The following SRGAP3 variants were observed in gnomAD, a reference collection of about 807,000 sequenced individuals.
SRGAP3 encodes SLIT-ROBO Rho GTPase activating protein 3.
A neutral mutation model predicts 121.1 loss-of-function variants in SRGAP3; 39 were observed. The observed-to-expected ratio is 0.32, with a 90% CI of 0.25 to 0.42. The LOEUF is 0.42. Among genes scored for constraint, SRGAP3 ranks in the 10% least tolerant of loss-of-function variants. The pLI is 1.00. For synonymous variants in SRGAP3, 601 were observed against 570.0 expected (o/e 1.05, Z -0.77); for missense variants, 1,213 against 1,470.6 (o/e 0.82, Z 2.86).
chr3:9,163,593 C>T (rs1269750600), intron 1 of SRGAP3, among the ~76,000 whole-genome samples: 1 of 152,182 alleles, frequency 6.6e-6, no homozygotes, highest in Non-Finnish European at 1.5e-5. Context: ...GCAGAGGGGG[C>T]AGGGGAGGTG....
intron 1 of SRGAP3, among the ~76,000 whole-genome samples, chr3:9,158,732 G>A (rs558456988): frequency 8.5e-5 from 13 of 152,196 alleles, no homozygotes; most frequent in Admixed American, 2.0e-4. Flanking sequence ...CAGTTGTTCC[G>A]TTCCTCAGAT....
chr3:9,163,541 A>G (rs914662651), intron 1 of SRGAP3, among the ~76,000 whole-genome samples: 1 of 152,174 alleles, frequency 6.6e-6, no homozygotes, highest in African/African-American at 2.4e-5. Context: ...AATTTAAGCC[A>G]TGCGGCCACT....
At chr3:9,061,048 A>G (rs1340982609) in intron 5 of SRGAP3, among the ~76,000 whole-genome samples, 1 of 152,216 alleles carries the variant, frequency 6.6e-6, no homozygotes, top group Non-Finnish European at 1.5e-5. Context: ...CCTGGCCAAC[A>G]GGGCAAAACC....
intron 1 of SRGAP3, among the ~76,000 whole-genome samples, chr3:9,176,103 G>A (rs533746784): frequency 6.6e-6 from 1 of 152,224 alleles, no homozygotes; most frequent in African/African-American, 2.4e-5. Flanking sequence ...TGTATTTTTA[G>A]TAGAGATAGG....
At chr3:9,081,646 T>C (rs775370556) in intron 3 of SRGAP3, among the ~76,000 whole-genome samples, 2 of 152,214 alleles carry the variant, frequency 1.3e-5, no homozygotes, top group Non-Finnish European at 2.9e-5. Flanking sequence ...ATGGAGACTT[T>C]CTAAGAAGGA....
chr3:9,145,644 C>T (rs561573857), intron 1 of SRGAP3, among the ~76,000 whole-genome samples: 16 of 152,164 alleles, frequency 1.1e-4, no homozygotes, highest in South Asian at 4.1e-4. Context: ...TTGAGGAATT[C>T]GGCAGACACT....
intron 13 of SRGAP3, 140 bp from the exon 14 acceptor site, chr3:9,025,478 A>G: frequency 1.0e-6 from 1 of 980,980 alleles, no homozygotes; most frequent in Middle Eastern, 2.4e-4. Flanking sequence ...TTCCCTATGA[A>G]TGTCTCCAGA....
Position 9,073,310 on chromosome 3 carries a change from A to G in SRGAP3, c.486+6715T>C, listed in dbSNP as rs190576097. On this transcript the variant is annotated intron_variant, in intron 4 of 21. Coordinates refer to ENST00000383836, the MANE Select transcript of SRGAP3 (RefSeq NM_014850.4). ...AGGTACCCGCTAACATGCCTTGCTAATTTTTTGTATTTTTTGTAGAGAGAG... is the reference window on the plus strand; with the variant it reads ...AGGTACCCGCTAACATGCCTTGCTAGTTTTTTGTATTTTTTGTAGAGAGAG... Among the ~76,000 whole-genome samples the G allele has an allele frequency of 9.9e-4, 151 of 152,016 alleles. 2 individuals are homozygous for G. The highest frequency in any genetic ancestry group is 6.7e-3 in the Admixed American group (103 of 15,262).
intron 5 of SRGAP3, among the ~76,000 whole-genome samples, chr3:9,063,006 C>A (rs184933351): frequency 2.2e-4 from 33 of 152,118 alleles, no homozygotes; most frequent in Non-Finnish European, 2.4e-4. Context: ...AATTTATCCA[C>A]ATTCTCACCA....
At chr3:9,006,954 C>CTTTTTTTTTTTTTTTTTTTTTTTTTTT (rs891322969) in intron 18 of SRGAP3, 2 of 106,602 alleles carry the variant, frequency 1.9e-5, no homozygotes, top group African/African-American at 3.8e-5. Context: ...GGTATAGAAT[C>CTTTTTTTTTTTTTTTTTTTTTTTTTTT]TTTTTTTTTT....
chr3:9,113,065 G>A (rs577880593), intron 2 of SRGAP3, among the ~76,000 whole-genome samples: 69 of 152,346 alleles, frequency 4.5e-4, no homozygotes, highest in African/African-American at 1.5e-3. Context: ...TGGCCAGAGG[G>A]CAGACAGGGA....
intron 2 of SRGAP3, among the ~76,000 whole-genome samples, chr3:9,119,045 C>G (rs1318276016): frequency 6.6e-6 from 1 of 152,148 alleles, no homozygotes; most frequent in Non-Finnish European, 1.5e-5. Context: ...TGCTAGGGAC[C>G]CCGGGTCAAG....
intron 3 of SRGAP3, among the ~76,000 whole-genome samples, chr3:9,098,302 A>G (rs1948071971): frequency 6.6e-6 from 1 of 152,108 alleles, no homozygotes; most frequent in South Asian, 2.1e-4. Context: ...TTTTTGAGAC[A>G]AGGTCTCACT....
intron 1 of SRGAP3, among the ~76,000 whole-genome samples, chr3:9,175,813 G>A (rs951094772): frequency 9.9e-5 from 15 of 152,216 alleles, no homozygotes; most frequent in African/African-American, 3.1e-4. Flanking sequence ...AAAGGGCTCC[G>A]TTATCAGCAA....
intron 2 of SRGAP3, among the ~76,000 whole-genome samples, chr3:9,123,756 A>G (rs58401134): frequency 0.13 from 16,152 of 120,820 alleles, 961 homozygotes; most frequent in African/African-American, 0.19. Flanking sequence ...GTGTGTGTGT[A>G]TGTGTGTATA....
At chr3:9,074,482 TTAAC>T (rs1234429086) in intron 4 of SRGAP3, among the ~76,000 whole-genome samples, 2 of 152,154 alleles carry the variant, frequency 1.3e-5, no homozygotes, top group African/African-American at 4.8e-5. Context: ...TTTCCACTAA[TTAAC>T]TAACACTGGG....
At position 8,990,660 on chromosome 3, in the gene SRGAP3, C is replaced by T; in HGVS notation, c.2738G>A (p.Arg913Lys). 1 of 1,613,716 alleles carries T rather than the reference C, an allele frequency of 6.2e-7. No homozygotes were observed. The highest frequency in any genetic ancestry group is 8.5e-7 in the Non-Finnish European group (1 of 1,179,976). The change falls in exon 21 of 22, where the codon AGG becomes AAG. Residue 913 changes from arginine to lysine, a missense_variant. By Grantham distance (26) the Arg-to-Lys change is conservative. Around this residue, in one of 2 missense-constraint regions of SRGAP3, gnomAD observed 420 missense variants for 437.7 expected, o/e 0.96. Coordinates refer to ENST00000383836, the MANE Select transcript of SRGAP3 (RefSeq NM_014850.4). ...GCCAGCGCTCCCGAACGTCGCCATC[C>T]TCCGCTTCTCAGGGCTCTCGATCCT... ...RGRIESPEKR[R>K]MATFGSAGSI... is the part of the protein sequence containing the mutation.
chr3:9,353,506 T>C (rs540378736), intron 1 of SRGAP3, among the ~76,000 whole-genome samples: 24 of 152,364 alleles, frequency 1.6e-4, no homozygotes, highest in Admixed American at 6.5e-4. Flanking sequence ...TTCATATACA[T>C]TCTCTTGAAA....
intron 3 of SRGAP3, among the ~76,000 whole-genome samples, chr3:9,287,037 G>C (rs1441349880): frequency 7.9e-6 from 1 of 126,204 alleles, no homozygotes. Context: ...TGTCACCCAG[G>C]CTGGATTGGA....
Sources: allele counts gnomAD v4.1 joint callset (sites outside exome capture counted in the v4.1 genomes callset), GRCh38; gene constraint gnomAD v4.1.1; regional missense constraint gnomAD v4.1.1; transcripts MANE v1.5; gene names NCBI Gene and HGNC (gene_info 2026-07-23, HGNC 2026-07-21).